Variants in PRELID2 observed in about 807,000 individuals in gnomAD.
The protein encoded by PRELID2 is PRELI domain-containing protein 2.
PRELID2 carries 25 observed loss-of-function variants against 28.4 expected under a neutral mutation model. The observed-to-expected ratio is 0.88, with a 90% CI of 0.64 to 1.23. PRELID2 has a LOEUF of 1.23. Among genes scored for constraint, PRELID2 ranks in the 50% most tolerant of loss-of-function variants. The pLI, the probability that PRELID2 is intolerant of heterozygous loss-of-function variation, is 0.00. For missense variants in PRELID2, 201 were observed against 214.4 expected (o/e 0.94, Z 0.39); for synonymous variants, 76 against 71.6 (o/e 1.06, Z -0.31).
rs371637944 is a variant in PRELID2 at position 145,783,414 on chromosome 5, C to T, written c.474+13028G>A. On this transcript the variant is annotated intron_variant, in intron 5 of 6. Transcript: ENST00000683046. ...CCTGCAAAAGCTATGTTTCATCAGA[C>T]GAAAACTCTAGAGGTAATAGTAGTA... 3.1e-4 allele frequency among the ~76,000 whole-genome samples: 47 copies of T among 152,178 alleles called. No homozygotes were observed. In the East Asian group the frequency reaches 6.2e-3, roughly 20 times the overall value.
chr5:145,578,455 G>T (rs914574984), intron 1 of PRELID2, among the ~76,000 whole-genome samples: 9 of 151,830 alleles, frequency 5.9e-5, no homozygotes, highest in African/African-American at 2.2e-4. Context: ...TTTTCCCCTG[G>T]GTCAAAGGTA....
At chr5:145,436,408 T>C in the PRELID2 span, among the ~76,000 whole-genome samples, 1 of 152,134 alleles carries the variant, frequency 6.6e-6, no homozygotes, top group Admixed American at 6.6e-5. Flanking sequence ...CATGCATATG[T>C]CTTTATGGTA....
At chr5:145,419,541 T>G in the PRELID2 span, among the ~76,000 whole-genome samples, 1 of 124,486 alleles carries the variant, frequency 8.0e-6, no homozygotes, top group East Asian at 2.3e-4. Flanking sequence ...TTGAGAAGTG[T>G]CTGTTCATGT....
chr5:145,792,223 T>C (rs1752441961), intron 5 of PRELID2, among the ~76,000 whole-genome samples: 1 of 152,046 alleles, frequency 6.6e-6, no homozygotes, highest in Non-Finnish European at 1.5e-5. Context: ...CAAGCTTGGG[T>C]TCAAATCCCC....
chr5:145,507,557 G>A (rs1752422930), intron 1 of PRELID2, among the ~76,000 whole-genome samples: 1 of 152,148 alleles, frequency 6.6e-6, no homozygotes, highest in African/African-American at 2.4e-5. Flanking sequence ...TCTAGTATAA[G>A]TGGATCCACA....
At chr5:145,245,004 T>G in the PRELID2 span, among the ~76,000 whole-genome samples, 1 of 152,060 alleles carries the variant, frequency 6.6e-6, no homozygotes, top group African/African-American at 2.4e-5. Context: ...TTCCGGCACA[T>G]TTTTCTCTTT....
intron 1 of PRELID2, among the ~76,000 whole-genome samples, chr5:145,528,942 C>T (rs1362616781): frequency 6.6e-6 from 1 of 152,112 alleles, no homozygotes; most frequent in Non-Finnish European, 1.5e-5. Context: ...AGCTTACTAT[C>T]AGGCTCTCCT....
chr5:145,528,060 G>A (rs565144162), intron 1 of PRELID2, among the ~76,000 whole-genome samples: 8 of 152,052 alleles, frequency 5.3e-5, no homozygotes, highest in East Asian at 3.9e-4. Context: ...CATTCAACAC[G>A]CTAACCCTTC....
At chr5:145,817,054 T>C (rs115745707) in intron 4 of PRELID2, among the ~76,000 whole-genome samples, 204 of 150,968 alleles carry the variant, frequency 1.4e-3, no homozygotes, top group African/African-American at 4.8e-3. Flanking sequence ...CTTCATCTCC[T>C]GAGGCACATG....
At chr5:145,511,571 G>T (rs1036338954) in intron 1 of PRELID2, among the ~76,000 whole-genome samples, 1 of 152,168 alleles carries the variant, frequency 6.6e-6, no homozygotes, top group African/African-American at 2.4e-5. Context: ...GGCAGCTATG[G>T]CCATTCATTT....
chr5:145,621,683 C>T (rs2149652244), intron 1 of PRELID2, among the ~76,000 whole-genome samples: 1 of 152,110 alleles, frequency 6.6e-6, no homozygotes, highest in South Asian at 2.1e-4. Flanking sequence ...CTATTAGGGG[C>T]ATCAAAGGGT....
At chr5:145,520,181 T>G (rs1752552044) in intron 1 of PRELID2, among the ~76,000 whole-genome samples, 1 of 152,212 alleles carries the variant, frequency 6.6e-6, no homozygotes, top group Non-Finnish European at 1.5e-5. Context: ...TTTGTTGAAT[T>G]CTGCATTCTT....
rs141267032 is a variant in PRELID2, at chr5:145,698,090, A to G, written n.70+66841T>C. ...TTATTATTAACTAAAAATATCATTC[A>G]GTCCTCTTTGCAAGCTCCAAAATAT... On this transcript the variant is annotated intron_variant and non_coding_transcript_variant, in intron 1 of 2. Coordinates refer to the PRELID2 transcript ENST00000510259. Among the ~76,000 whole-genome samples the G allele has an allele frequency of 8.8e-3, 1,335 of 152,284 alleles. 18 individuals are homozygous for G. Among genetic ancestry groups the G allele is most frequent in the African/African-American group, 0.029 (1,218 of 41,560 alleles).
At chr5:145,590,951 C>T (rs1753218280) in intron 1 of PRELID2, among the ~76,000 whole-genome samples, 1 of 151,366 alleles carries the variant, frequency 6.6e-6, no homozygotes, top group South Asian at 2.1e-4. Flanking sequence ...CAAGGAAACG[C>T]ATGGATTCTT....
chr5:145,315,262 G>A, the PRELID2 span, among the ~76,000 whole-genome samples: 1 of 151,672 alleles, frequency 6.6e-6, no homozygotes, highest in Non-Finnish European at 1.5e-5. Flanking sequence ...GTAGAGACAG[G>A]TTTCACCATT....
chr5:145,380,154 G>A, the PRELID2 span, among the ~76,000 whole-genome samples: 1 of 152,290 alleles, frequency 6.6e-6, no homozygotes, highest in African/African-American at 2.4e-5. Flanking sequence ...TGTCCATGGT[G>A]GTTGAGGGGT....
chr5:145,658,731 G>A (rs2149675707), intron 1 of PRELID2, among the ~76,000 whole-genome samples: 1 of 152,292 alleles, frequency 6.6e-6, no homozygotes, highest in Non-Finnish European at 1.5e-5. Context: ...TGTACAGTCT[G>A]CAGAACCATG....
intron 5 of PRELID2, among the ~76,000 whole-genome samples, chr5:145,783,868 A>G (rs1443510676): frequency 6.6e-6 from 1 of 152,198 alleles, no homozygotes; most frequent in Non-Finnish European, 1.5e-5. Context: ...CTGAATTTTG[A>G]AATATCCACT....
the PRELID2 span, among the ~76,000 whole-genome samples, chr5:145,461,626 C>T: frequency 1.3e-5 from 2 of 152,258 alleles, no homozygotes; most frequent in Middle Eastern, 6.8e-3. Context: ...TTAGTTTTCT[C>T]ATCTATTTAA....
Sources: gnomAD v4.1 joint callset for allele counts (sites outside exome capture counted in the v4.1 genomes callset) on GRCh38, gnomAD v4.1.1 for gene constraint, MANE v1.5 for transcripts, NCBI Gene and HGNC (gene_info 2026-07-23, HGNC 2026-07-21) for gene names.